OCA2: variants seen among roughly 807,000 people sequenced by gnomAD.
OCA2 encodes the protein OCA2 melanosomal transmembrane protein, also known as P protein.
In OCA2, 77 loss-of-function variants were observed where a neutral mutation model predicts 100.2. That is an observed-to-expected ratio of 0.77 (90% CI 0.64 to 0.93). OCA2 has a LOEUF of 0.93. Among genes scored for constraint, OCA2 ranks in the 40% least tolerant of loss-of-function variants. The pLI, the probability that OCA2 is intolerant of heterozygous loss-of-function variation, is 0.00. For missense variants in OCA2, 1,062 were observed against 1,089.1 expected (o/e 0.98, Z 0.35); for synonymous variants, 432 against 439.2 (o/e 0.98, Z 0.21).
chr15:27,725,389 C>T, the OCA2 span, among the ~76,000 whole-genome samples: 1 of 152,208 alleles, frequency 6.6e-6, no homozygotes, highest in East Asian at 1.9e-4. Flanking sequence ...TCAGCCTGGC[C>T]AACATGGTGA....
intron 19 of OCA2, among the ~76,000 whole-genome samples, chr15:27,882,841 G>A (rs1420601944): frequency 1.3e-5 from 2 of 152,188 alleles, no homozygotes; most frequent in Non-Finnish European, 2.9e-5. Flanking sequence ...TGCTTGTGCA[G>A]ATGGTTCAAA....
chr15:28,042,339 C>G (rs1232454868), intron 2 of OCA2, among the ~76,000 whole-genome samples: 2 of 151,956 alleles, frequency 1.3e-5, no homozygotes, highest in African/African-American at 2.4e-5. Flanking sequence ...TTTAAAAATG[C>G]CTTCGGGCCA....
At chr15:27,927,503 C>A (rs1284066657) in intron 18 of OCA2, among the ~76,000 whole-genome samples, 1 of 152,170 alleles carries the variant, frequency 6.6e-6, no homozygotes, top group Non-Finnish European at 1.5e-5. Flanking sequence ...GCTTTCAGTT[C>A]TCTTGGCTAA....
intron 19 of OCA2, among the ~76,000 whole-genome samples, chr15:27,880,987 C>T (rs930639410): frequency 1.2e-4 from 18 of 152,080 alleles, no homozygotes; most frequent in Admixed American, 9.8e-4. Context: ...ATGATACTGG[C>T]TGTGGGTTTG....
At chr15:28,064,985 G>A (rs1384556511) in intron 2 of OCA2, among the ~76,000 whole-genome samples, 1 of 151,952 alleles carries the variant, frequency 6.6e-6, no homozygotes, top group Non-Finnish European at 1.5e-5. Flanking sequence ...TTTTTCCAAG[G>A]ACTGTATCCC....
intron 23 of OCA2, among the ~76,000 whole-genome samples, chr15:27,805,230 G>A (rs2033783995): frequency 6.6e-6 from 1 of 152,252 alleles, no homozygotes; most frequent in African/African-American, 2.4e-5. Flanking sequence ...TTTGATGGGA[G>A]ACTCCATGTG....
At chr15:28,026,953 G>A (rs1441191884) in intron 4 of OCA2, among the ~76,000 whole-genome samples, 1 of 152,230 alleles carries the variant, frequency 6.6e-6, no homozygotes, top group Non-Finnish European at 1.5e-5. Flanking sequence ...GGCATCGCGT[G>A]ACAGGGTACC....
chr15:27,893,578 A>T (rs1183002573), intron 19 of OCA2, among the ~76,000 whole-genome samples: 1 of 152,106 alleles, frequency 6.6e-6, no homozygotes, highest in Non-Finnish European at 1.5e-5. Flanking sequence ...AAAGGAATGC[A>T]TTCCTGGGGG....
At chr15:27,932,106 G>A (rs1368423391) in intron 18 of OCA2, among the ~76,000 whole-genome samples, 1 of 152,200 alleles carries the variant, frequency 6.6e-6, no homozygotes, top group Admixed American at 6.5e-5. Context: ...AGGTAGATGT[G>A]AACCACTGGA....
At chr15:28,018,053 G>A (rs1412783432) in intron 7 of OCA2, among the ~76,000 whole-genome samples, 1 of 149,560 alleles carries the variant, frequency 6.7e-6, no homozygotes, top group Non-Finnish European at 1.5e-5. Flanking sequence ...AGTGTCTTCT[G>A]AACCCTGACG....
chr15:27,799,609 G>A (rs1229125007), intron 23 of OCA2, among the ~76,000 whole-genome samples: 4 of 152,072 alleles, frequency 2.6e-5, no homozygotes, highest in Non-Finnish European at 4.4e-5. Flanking sequence ...GCTGGGCGTG[G>A]TGGTGCATGC....
At chr15:27,812,717 C>A (rs924312) in intron 23 of OCA2, among the ~76,000 whole-genome samples, 4 of 151,930 alleles carry the variant, frequency 2.6e-5, no homozygotes, top group African/African-American at 9.7e-5. Context: ...AAAGAGAGCC[C>A]CCTTTTGCTT....
At chr15:28,061,070 C>T (rs1022321607) in intron 2 of OCA2, among the ~76,000 whole-genome samples, 1 of 152,198 alleles carries the variant, frequency 6.6e-6, no homozygotes, top group African/African-American at 2.4e-5. Flanking sequence ...AAAGAAAAAG[C>T]AGTTTGTAAA....
chr15:28,012,129 C>A (rs547273432), intron 9 of OCA2, among the ~76,000 whole-genome samples: 23 of 152,200 alleles, frequency 1.5e-4, no homozygotes, highest in African/African-American at 5.3e-4. Context: ...GCAAAAGGCA[C>A]ATACAGACAT....
intron 2 of OCA2, among the ~76,000 whole-genome samples, chr15:28,068,840 C>G (rs72714103): frequency 0.069 from 10,439 of 152,286 alleles, 400 homozygotes; most frequent in Middle Eastern, 0.1. Context: ...AAAAGCAAAA[C>G]TGTATGATCA....
At chr15:27,824,621 T>TATATATATATATATATATAA (rs1315693272) in intron 23 of OCA2, among the ~76,000 whole-genome samples, 2 of 124,150 alleles carry the variant, frequency 1.6e-5, no homozygotes, top group African/African-American at 3.2e-5. Context: ...TATATATATA[T>TATATATATATATATATATAA]AATATAATAT....
Position 27,793,547 on chromosome 15 carries a change from A to G in OCA2, c.2433-38075T>C, listed in dbSNP as rs192077506. On this transcript the variant is annotated intron_variant, in intron 23 of 23. Transcript: ENST00000354638. ...TAAAATAATACAAAGCTGTGTTCAGAGTCCTTGCTTTAATCTTCTGTGGGT... is the reference window on the plus strand; with the variant it reads ...TAAAATAATACAAAGCTGTGTTCAGGGTCCTTGCTTTAATCTTCTGTGGGT... Among the ~76,000 whole-genome samples the G allele has an allele frequency of 2.7e-4, 41 of 152,352 alleles. 1 individual carries two copies. In the East Asian group the frequency reaches 5.0e-3, roughly 19 times the overall value.
intron 23 of OCA2, among the ~76,000 whole-genome samples, chr15:27,832,073 G>A (rs2034982254): frequency 6.6e-6 from 1 of 151,706 alleles, no homozygotes; most frequent in Non-Finnish European, 1.5e-5. Flanking sequence ...CCAATCCAAC[G>A]TCCCTCATGC....
intron 2 of OCA2, among the ~76,000 whole-genome samples, chr15:28,077,537 C>T (rs142041236): frequency 3.3e-5 from 5 of 152,268 alleles, no homozygotes; most frequent in Non-Finnish European, 7.4e-5. Context: ...TGTCCAGCAG[C>T]GTTCCAGGGC....
Sources: gnomAD v4.1 joint callset for allele counts (sites outside exome capture counted in the v4.1 genomes callset) on GRCh38, gnomAD v4.1.1 for gene constraint, MANE v1.5 for transcripts, NCBI Gene and HGNC (gene_info 2026-07-23, HGNC 2026-07-21) for gene names.